The following TPM4 variants were observed in gnomAD, a reference collection of about 807,000 sequenced individuals.
The protein encoded by TPM4 is tropomyosin alpha-4 chain.
Under a neutral mutation model 35.8 loss-of-function variants are expected in TPM4, and 17 were observed. The observed-to-expected ratio is 0.47, with a 90% CI of 0.32 to 0.71. The LOEUF is 0.71. Among genes scored for constraint, TPM4 ranks in the 30% least tolerant of loss-of-function variants. The pLI is 0.03. For missense variants in TPM4, 240 were observed against 320.9 expected, an observed-to-expected ratio of 0.75 and a Z score of 1.93; for synonymous variants, 120 against 122.9, an observed-to-expected ratio of 0.98 and a Z score of 0.15.
chr19:16,073,139 T>C (rs1229939115), upstream of TPM4, among the ~76,000 whole-genome samples: 1 of 151,796 alleles, frequency 6.6e-6, no homozygotes, highest in Non-Finnish European at 1.5e-5. Flanking sequence ...AGCCCAGGAG[T>C]TCGAGACCAG....
At chr19:16,086,569 G>A (rs749883145) in intron 3 of TPM4, 29 bp downstream of exon 3, 2 of 1,581,312 alleles carry the variant, frequency 1.3e-6, no homozygotes, top group South Asian at 2.3e-5. Context: ...TGGCGCAGCA[G>A]CAGGAAGTGG....
Position 16,095,656 on chromosome 19 carries a change from A to G in TPM4, c.664+1903A>G. ...ATTACAAAAAGAAAATTATGCCTAC[A>G]GGATGCTTTTCTGAAGACGTGAAAA... On this transcript the variant is annotated intron_variant, in intron 7 of 7. Coordinates refer to ENST00000643579, the MANE Select transcript of TPM4 (RefSeq NM_003290.3). The G allele has an allele frequency of 4.2e-6, 4 of 955,884 alleles. No homozygotes were observed. The South Asian group carries it at 1.5e-4, about 35-fold the overall frequency. 59.2% of individuals were successfully genotyped at this position (955,884 alleles called of 1,614,324 possible).
intron 7 of TPM4, among the ~76,000 whole-genome samples, 199 bp downstream of exon 7, chr19:16,093,952 CTT>C (rs35095689): frequency 9.2e-6 from 1 of 108,792 alleles, no homozygotes; most frequent in African/African-American, 3.5e-5. Context: ...TTGAATGGCC[CTT>C]TTTTTTTTTT....
At chr19:16,072,754 A>C (rs1004984303), upstream of TPM4, among the ~76,000 whole-genome samples, 1 of 152,052 alleles carries the variant, frequency 6.6e-6, no homozygotes, top group Non-Finnish European at 1.5e-5. Flanking sequence ...AAAAAATACA[A>C]AAATTAACTG....
At chr19:16,098,824 TAATA>T (rs746624360) in intron 7 of TPM4, among the ~76,000 whole-genome samples, 30 of 152,164 alleles carry the variant, frequency 2.0e-4, no homozygotes, top group Admixed American at 1.6e-3. Context: ...TTTAATAAAA[TAATA>T]AATAAAGAGA....
intron 1 of TPM4, chr19:16,076,924 G>T (rs970937139): frequency 1.0e-6 from 1 of 979,466 alleles, no homozygotes; most frequent in Non-Finnish European, 1.3e-6. Context: ...GCCGCCTCCG[G>T]GTCGGGCGGG....
upstream of TPM4, chr19:16,076,290 A>G (rs2090404329): frequency 1.3e-6 from 2 of 1,518,986 alleles, no homozygotes; most frequent in Non-Finnish European, 8.8e-7. Context: ...GGCGCCTCCC[A>G]GCGCTTTCTC....
rs749795144 is a variant in TPM4, at chr19:16,067,778, G to T, written c.114+40G>T. 1.9e-6 allele frequency: 3 copies of T among 1,584,104 alleles called. No individual in the cohort carries two copies. The highest frequency in any genetic ancestry group is 2.6e-6 in the Non-Finnish European group (3 of 1,165,348). ...GCTGGGCCGCTCCGGGCTGCTGGGA[G>T]TCCTCTCTGTGCGGAAGGCCGGGGT... On this transcript the variant is annotated intron_variant, in intron 2 of 2. Transcript: ENST00000589897. This position sits in a 1 kb window ranked among gnomAD's most constrained non-coding sequence, Gnocchi z 4.1.
At chr19:16,076,894 C>T in intron 1 of TPM4, 197 bp downstream of exon 1, 4 of 1,182,384 alleles carry the variant, frequency 3.4e-6, no homozygotes, top group Non-Finnish European at 4.3e-6. Flanking sequence ...CCTTCCTGGG[C>T]CTGGGACAGG....
intron 7 of TPM4, 113 bp downstream of exon 7, chr19:16,093,866 G>GGAAA (rs2090660640): frequency 9.0e-7 from 1 of 1,111,762 alleles, no homozygotes; most frequent in African/African-American, 1.6e-5. Flanking sequence ...GTTTGCCTTA[G>GGAAA]GAAAGTAAAG....
At chr19:16,069,466 T>C (rs2090331545) in intron 2 of TPM4, among the ~76,000 whole-genome samples, 1 of 16,740 alleles carries the variant, frequency 6.0e-5, no homozygotes, top group Non-Finnish European at 1.3e-4. Flanking sequence ...GGTGTGTGAA[T>C]GTGTATGGAT....
intron 1 of TPM4, chr19:16,080,815 A>G (rs1416253798): frequency 2.6e-6 from 1 of 377,946 alleles, no homozygotes; most frequent in Admixed American, 4.5e-5. Flanking sequence ...TCTCAAAAAA[A>G]AAATTAAAAA....
chr19:16,097,868 T>A (rs1043853690), intron 7 of TPM4, among the ~76,000 whole-genome samples: 1 of 152,104 alleles, frequency 6.6e-6, no homozygotes, highest in Non-Finnish European at 1.5e-5. Context: ...TCCTCCAAAA[T>A]GCACCTCCCC....
chr19:16,095,424 G>A, intron 7 of TPM4: 14 of 1,030,230 alleles, frequency 1.4e-5, no homozygotes, highest in Non-Finnish European at 1.6e-5. Context: ...GAGCTCCGGT[G>A]GCCTGCCTTC....
At chr19:16,082,354 CA>C (rs1305799761) in intron 2 of TPM4, among the ~76,000 whole-genome samples, 1 of 152,036 alleles carries the variant, frequency 6.6e-6, no homozygotes, top group African/African-American at 2.4e-5. Context: ...CCTAAAAGTA[CA>C]AAAAAATTAG....
At chr19:16,078,977 A>G (rs2090448075) in intron 1 of TPM4, among the ~76,000 whole-genome samples, 1 of 152,042 alleles carries the variant, frequency 6.6e-6, no homozygotes. Flanking sequence ...TGCCACATGT[A>G]TCTAGCAAGC....
At chr19:16,099,485 G>A (rs1723077508) in intron 7 of TPM4, among the ~76,000 whole-genome samples, 1 of 152,058 alleles carries the variant, frequency 6.6e-6, no homozygotes, top group Admixed American at 6.6e-5. Flanking sequence ...TTGGGAGGCT[G>A]AGGTAGAAGG....
intron 2 of TPM4, chr19:16,068,060 G>A (rs1291750525): frequency 4.9e-6 from 2 of 411,708 alleles, no homozygotes; most frequent in Non-Finnish European, 8.8e-6. Context: ...TAGATAGGGC[G>A]GTTGGGGACA....
rs1391629178 is a variant in TPM4, at chr19:16,101,282, A to C, written c.683A>C (p.Lys228Thr). The change falls in exon 8 of 8, where the codon AAA (lysine) becomes ACA (threonine). Residue 228 changes from lysine (K) to threonine (T), a missense_variant. Physicochemically the swap from Lys to Thr is moderately conservative, Grantham distance 78 (BLOSUM62 -1). Transcript: ENST00000643579. Reference sequence around the variant, plus strand: ...TCACCAGAGAAACTTGCCCAGGCCAAAGAAGAGAACGTGGGCTTACATCAG... The same window carrying C: ...TCACCAGAGAAACTTGCCCAGGCCACAGAAGAGAACGTGGGCTTACATCAG... Reference protein sequence around the residue: ...DDLEEKLAQAKEENVGLHQTL... With the variant: ...DDLEEKLAQATEENVGLHQTL... 6.2e-7 allele frequency: 1 copy of C among 1,607,812 alleles called. No homozygotes were observed. The highest frequency in any genetic ancestry group is 8.5e-7 in the Non-Finnish European group (1 of 1,177,296).
Sources: gnomAD v4.1 joint callset for allele counts (sites outside exome capture counted in the v4.1 genomes callset) on GRCh38, gnomAD v4.1.1 for gene constraint, Gnocchi (gnomAD v3.1) non-coding constraint, MANE v1.5 for transcripts, NCBI Gene and HGNC (gene_info 2026-07-23, HGNC 2026-07-21) for gene names.